EYS: variants seen among roughly 807,000 people sequenced by gnomAD.
EYS encodes protein eyes shut homolog.
A neutral mutation model predicts 282.1 loss-of-function variants in EYS; 250 were observed. The observed-to-expected ratio is 0.89, with a 90% CI of 0.80 to 0.98. The LOEUF (loss-of-function observed/expected upper bound fraction) is 0.98, where lower values mean the gene tolerates loss of function less well. Among genes scored for constraint, EYS ranks in the 50% least tolerant of loss-of-function variants. The pLI is 0.00. For synonymous variants in EYS, 1,355 were observed against 1,282.9 expected, an observed-to-expected ratio of 1.06 and a Z score of -1.20; for missense variants, 4,016 against 3,709.0, an observed-to-expected ratio of 1.08 and a Z score of -2.15.
chr6:63,881,986 T>C (rs1240886904), intron 35 of EYS, among the ~76,000 whole-genome samples: 4 of 152,230 alleles, frequency 2.6e-5, no homozygotes, highest in Non-Finnish European at 5.9e-5. Context: ...ATCTTAATAC[T>C]GTGTCAGCAT....
intron 35 of EYS, among the ~76,000 whole-genome samples, chr6:63,921,021 T>C (rs754632886): frequency 5.9e-5 from 9 of 152,180 alleles, no homozygotes; most frequent in Non-Finnish European, 7.4e-5. Flanking sequence ...GCGTCCTGAG[T>C]AGCTGGGACT....
chr6:65,241,925 A>G (rs1376911531), intron 12 of EYS, among the ~76,000 whole-genome samples: 1 of 152,074 alleles, frequency 6.6e-6, no homozygotes, highest in Admixed American at 6.5e-5. Context: ...TTTCAGAACA[A>G]TGTATTATAT....
Position 64,638,066 on chromosome 6 carries a change from A to G in EYS, c.3444-11821T>C, listed in dbSNP as rs899690907. The stretch of plus-strand genomic sequence containing the variant: ...TACTGAACTTAAGGATACACTGAGC[A>G]TTTCAGAGCAACCCACTGTCCTGAA... On this transcript the variant is annotated intron_variant, in intron 22 of 42. Coordinates refer to ENST00000503581, the MANE Select transcript of EYS (RefSeq NM_001142800.2). Among the ~76,000 whole-genome samples the G allele has an allele frequency of 7.7e-5, 7 of 91,318 alleles. 2 individuals are homozygous for G. Among genetic ancestry groups the G allele is most frequent in the Admixed American group, 2.3e-4 (2 of 8,536 alleles). 59.9% of individuals were successfully genotyped at this position (91,318 alleles called of 152,430 possible).
At chr6:65,570,598 C>T (rs1764444725) in intron 2 of EYS, among the ~76,000 whole-genome samples, 1 of 152,118 alleles carries the variant, frequency 6.6e-6, no homozygotes, top group Non-Finnish European at 1.5e-5. Context: ...GATACTGTCA[C>T]AGAGCAGTCT....
rs184170539 is a variant in EYS, at chr6:64,775,105, G to T, written c.3443+38273C>A. Among the ~76,000 whole-genome samples, 4 of 151,900 alleles carry T rather than the reference G, an allele frequency of 2.6e-5. No individual in the cohort carries two copies. The East Asian group carries it at 7.8e-4, about 30-fold the overall frequency. The stretch of plus-strand genomic sequence containing the variant: ...CTCCTGGGATAAAACAGCAGGAGGG[G>T]GTAACTGCTGAAAACCTTACGACTG... On this transcript the variant is annotated intron_variant, in intron 22 of 42. Coordinates refer to ENST00000503581, the MANE Select transcript of EYS (RefSeq NM_001142800.2).
chr6:64,711,101 T>G (rs1032567719), intron 22 of EYS, among the ~76,000 whole-genome samples: 4 of 152,138 alleles, frequency 2.6e-5, no homozygotes, highest in African/African-American at 9.7e-5. Flanking sequence ...ATGAATTAGG[T>G]GTTAATACTG....
intron 2 of EYS, among the ~76,000 whole-genome samples, chr6:65,496,829 C>T (rs1180518889): frequency 5.9e-5 from 9 of 152,104 alleles, no homozygotes; most frequent in Admixed American, 2.0e-4. Flanking sequence ...TGTTAAAATA[C>T]ATTATGGTAT....
At chr6:65,212,016 C>G (rs185904307) in intron 12 of EYS, among the ~76,000 whole-genome samples, 4 of 151,882 alleles carry the variant, frequency 2.6e-5, no homozygotes, top group Non-Finnish European at 5.9e-5. Flanking sequence ...ATGGAAAACA[C>G]CATTGTGTTT....
chr6:65,275,076 T>C (rs997960438), intron 12 of EYS, among the ~76,000 whole-genome samples: 5 of 152,196 alleles, frequency 3.3e-5, no homozygotes, highest in Non-Finnish European at 7.3e-5. Flanking sequence ...CAGATTGCTG[T>C]GCAAGCTACT....
At chr6:64,263,656 TATA>T (rs1767660545) in intron 30 of EYS, among the ~76,000 whole-genome samples, 2 of 152,164 alleles carry the variant, frequency 1.3e-5, no homozygotes, top group South Asian at 4.1e-4. Context: ...AAGTCATGGC[TATA>T]ATAAGTATTC....
Position 64,125,982 on chromosome 6 carries a change from T to C in EYS, c.6425-43980A>G, listed in dbSNP as rs541279816. 3.3e-5 allele frequency among the ~76,000 whole-genome samples: 5 copies of C among 151,998 alleles called. No individual in the cohort carries two copies. In the South Asian group the frequency reaches 1.0e-3, roughly 32 times the overall value. On this transcript the variant is annotated intron_variant, in intron 31 of 42. Coordinates refer to ENST00000503581, the MANE Select transcript of EYS (RefSeq NM_001142800.2). ...GTGCACAACGTGCAGGTTTGTTACA[T>C]ATGTATACATGTGCCATGTTGCACA...
At chr6:65,609,909 T>G (rs760294973) in intron 2 of EYS, among the ~76,000 whole-genome samples, 2 of 152,096 alleles carry the variant, frequency 1.3e-5, no homozygotes, top group Non-Finnish European at 2.9e-5. Flanking sequence ...TTTTGAGATA[T>G]AGTTCACACA....
intron 33 of EYS, among the ~76,000 whole-genome samples, chr6:64,012,757 A>T (rs1200278950): frequency 6.6e-6 from 1 of 152,182 alleles, no homozygotes; most frequent in East Asian, 1.9e-4. Context: ...TGTGCAACTC[A>T]GCACAAAATA....
chr6:65,536,066 A>G (rs555594238), intron 2 of EYS, among the ~76,000 whole-genome samples: 18 of 152,286 alleles, frequency 1.2e-4, no homozygotes, highest in Admixed American at 2.0e-4. Context: ...TGATGAATTT[A>G]CTTCAGATAC....
At chr6:64,177,978 T>C (rs1237219894) in intron 31 of EYS, among the ~76,000 whole-genome samples, 2 of 152,106 alleles carry the variant, frequency 1.3e-5, no homozygotes, top group Non-Finnish European at 2.9e-5. Flanking sequence ...ATTTGGCTGG[T>C]TAATTGAAGT....
intron 2 of EYS, among the ~76,000 whole-genome samples, chr6:65,511,341 C>CTGTGTGTG (rs202062196): frequency 6.7e-6 from 1 of 148,568 alleles, no homozygotes; most frequent in Non-Finnish European, 1.5e-5. Flanking sequence ...CAAATGCATT[C>CTGTGTGTG]TGTGTGTGTG....
At chr6:64,671,989 C>A (rs1379379611) in intron 22 of EYS, among the ~76,000 whole-genome samples, 1 of 151,630 alleles carries the variant, frequency 6.6e-6, no homozygotes, top group African/African-American at 2.4e-5. Context: ...CTTCAAAGCG[C>A]AATTATTTTA....
At chr6:64,347,675 C>G (rs1188899811) in intron 29 of EYS, among the ~76,000 whole-genome samples, 1 of 151,276 alleles carries the variant, frequency 6.6e-6, no homozygotes, top group Non-Finnish European at 1.5e-5. Flanking sequence ...TCATGACATC[C>G]CAAGCAGTTC....
At chr6:64,470,484 G>T (rs1021519533) in intron 26 of EYS, among the ~76,000 whole-genome samples, 1 of 152,120 alleles carries the variant, frequency 6.6e-6, no homozygotes, top group African/African-American at 2.4e-5. Context: ...ATACAATCAA[G>T]ATCTTCAACC....
Sources: gnomAD v4.1 joint callset for allele counts (sites outside exome capture counted in the v4.1 genomes callset) on GRCh38, gnomAD v4.1.1 for gene constraint, MANE v1.5 for transcripts, NCBI Gene and HGNC (gene_info 2026-07-23, HGNC 2026-07-21) for gene names.